Variants in SNRNP48 observed in about 807,000 individuals in gnomAD.
The protein encoded by SNRNP48 is U11/U12 small nuclear ribonucleoprotein 48 kDa protein.
Under a neutral mutation model 47.0 loss-of-function variants are expected in SNRNP48, and 43 were observed. The ratio of observed to expected loss-of-function variants is 0.92; its 90% confidence interval spans 0.72 to 1.18. The LOEUF (loss-of-function observed/expected upper bound fraction) is 1.18. Among genes scored for constraint, SNRNP48 ranks in the 50% most tolerant of loss-of-function variants. The pLI is 0.00. For synonymous variants in SNRNP48, 138 were observed against 144.0 expected (o/e 0.96, Z 0.30); for missense variants, 396 against 422.2 (o/e 0.94, Z 0.54).
chr6:7,593,452 A>G (rs1759852599), intron 1 of SNRNP48, among the ~76,000 whole-genome samples: 2 of 152,114 alleles, frequency 1.3e-5, no homozygotes, highest in Admixed American at 1.3e-4. Context: ...TGAGTGAGGA[A>G]TCGTTATAGG....
chr6:7,595,110 C>T lies in SNRNP48; in HGVS notation c.406+9C>T, dbSNP rs1481374945. 3.2e-6 allele frequency: 5 copies of T among 1,563,816 alleles called. No individual in the cohort carries two copies. The highest frequency in any genetic ancestry group is 3.5e-6 in the Non-Finnish European group (4 of 1,158,936). On this transcript the variant is annotated intron_variant, in intron 4 of 8. Coordinates refer to ENST00000342415, the MANE Select transcript of SNRNP48 (RefSeq NM_152551.4). ...TGATTGTTATAATCAAAGTAAGTGG[C>T]ATTACAGTTTAAGTGAATTAAAGAA...
intron 6 of SNRNP48, among the ~76,000 whole-genome samples, chr6:7,603,145 G>T (rs1404964815): frequency 6.6e-6 from 1 of 152,038 alleles, no homozygotes; most frequent in African/African-American, 2.4e-5. Flanking sequence ...TCTTTGCAGG[G>T]TTGTTATGAG....
In SNRNP48 at chr6:7,599,907, ATAATT is replaced by A. The variant is rs1561713322; in HGVS notation, c.407-1425_407-1421del. Reference sequence around the variant, plus strand: ...TGAATAAATTGAAGAAAAGGCTAAAATAATTTAAGAAGGAAATTATATTTCTTTGT... The same window carrying A: ...TGAATAAATTGAAGAAAAGGCTAAAATAAGAAGGAAATTATATTTCTTTGT... On this transcript the variant is annotated intron_variant, in intron 4 of 8. Transcript: ENST00000342415. 4 of 1,004,178 alleles carry A rather than the reference ATAATT, an allele frequency of 4.0e-6. No homozygotes were observed. The South Asian group carries it at 7.9e-5, about 20-fold the overall frequency. 62.2% of individuals were successfully genotyped at this position (1,004,178 alleles called of 1,614,324 possible).
Position 7,606,137 on chromosome 6 carries a change from A to G in SNRNP48, c.913A>G (p.Lys305Glu). ...HRRDRSRSPHKRKRNKDKDKN... is the reference protein window; with the variant it reads ...HRRDRSRSPHERKRNKDKDKN... ...AAGGGATAGGAGTAGAAGCCCACATAAAAGAAAAAGAAACAAAGATAAGGA... is the reference window on the plus strand; with the variant it reads ...AAGGGATAGGAGTAGAAGCCCACATGAAAGAAAAAGAAACAAAGATAAGGA... The change falls in exon 8 of 9, where the codon AAA becomes GAA. Residue 305 changes from lysine (K) to glutamate (E), a missense_variant. Coordinates refer to ENST00000342415, the MANE Select transcript of SNRNP48 (RefSeq NM_152551.4). 3 of 1,613,784 alleles carry G rather than the reference A, an allele frequency of 1.9e-6. No homozygotes were observed. Among genetic ancestry groups the G allele is most frequent in the East Asian group, 2.2e-5 (1 of 44,866 alleles).
At position 7,594,101 on chromosome 6, in the gene SNRNP48, T is replaced by G; in HGVS notation, c.273T>G (p.Asp91Glu). 7.0e-7 allele frequency: 1 copy of G among 1,437,842 alleles called. No individual in the cohort carries two copies. The highest frequency in any genetic ancestry group is 2.5e-5 in the East Asian group (1 of 40,564). The allele number at this position is 1,437,842 out of a possible 1,614,324, so 89.1% of individuals were successfully genotyped here. A position where few individuals can be genotyped will look rare whatever the true frequency, so the allele number is the denominator to read the frequency against. The change falls in exon 3 of 9, where the codon GAT (aspartate) becomes GAG (glutamate). Residue 91 changes from aspartate (D) to glutamate (E), a missense_variant and splice_region_variant. Asp to Glu is a conservative substitution (Grantham distance 45). Transcript: ENST00000342415. ...ACAGTAAGATTCTTTTTTTTCAGGATGAAATGTATAATCCTGAGTTTTTCT... is the reference window on the plus strand; with the variant it reads ...ACAGTAAGATTCTTTTTTTTCAGGAGGAAATGTATAATCCTGAGTTTTTCT... ...RKMGYTKEEE[D>E]EMYNPEFFYE...
At chr6:7,595,641 G>C (rs1759892059) in intron 4 of SNRNP48, among the ~76,000 whole-genome samples, 1 of 152,144 alleles carries the variant, frequency 6.6e-6, no homozygotes, top group Admixed American at 6.5e-5. Flanking sequence ...TTTTACTCTT[G>C]AGATTTCCTC....
At chr6:7,608,585 C>T (rs1049687077) in intron 8 of SNRNP48, among the ~76,000 whole-genome samples, 1 of 151,926 alleles carries the variant, frequency 6.6e-6, no homozygotes, top group Non-Finnish European at 1.5e-5. Flanking sequence ...AATAAAAAAA[C>T]TAAGAGACGA....
At chr6:7,608,696 C>A (rs1196993254) in intron 8 of SNRNP48, 129 bp from the exon 9 acceptor site, 5 of 393,738 alleles carry the variant, frequency 1.3e-5, no homozygotes, top group Admixed American at 4.8e-5. Context: ...CCAGAAAATT[C>A]TTTTCAAATA....
rs147784961 is a variant in SNRNP48, at chr6:7,590,269, G to A, written c.12G>A (p.Glu4=). 195 of 1,350,554 alleles carry A rather than the reference G, an allele frequency of 1.4e-4. No individual in the cohort carries two copies. The highest frequency in any genetic ancestry group is 1.8e-4 in the Non-Finnish European group (183 of 1,040,712). The allele number at this position is 1,350,554 out of a possible 1,614,324, so 83.7% of individuals were successfully genotyped here. ...GGTGGGCTGCAGCTATGGAGGGCGAGCCTCCACCTGTGGAGGAGCGGCGGC... is the reference window on the plus strand; with the variant it reads ...GGTGGGCTGCAGCTATGGAGGGCGAACCTCCACCTGTGGAGGAGCGGCGGC... MEG[E]PPPVEERRRL... The change falls in exon 1 of 9, where the codon GAG becomes GAA. Residue 4 remains glutamate (E), a synonymous_variant. Transcript: ENST00000342415.
chr6:7,609,317 G>A lies in SNRNP48; in HGVS notation c.*444G>A, dbSNP rs1286918842. On this transcript the variant is annotated 3_prime_UTR_variant, in exon 9 of 9. Transcript: ENST00000342415. ...TTTACCACTACACTGGTGAATTGTA[G>A]TAGGGAAAAACAATCTAAATATTGA... is the stretch of plus-strand genomic sequence containing the variant. 3 of 152,362 alleles carry A rather than the reference G, an allele frequency of 2.0e-5. No homozygotes were observed. The highest frequency in any genetic ancestry group is 6.5e-5 in the Admixed American group (1 of 15,274). The allele number at this position is 152,362 out of a possible 1,614,324, so 9.4% of individuals were successfully genotyped here. A position where few individuals can be genotyped will look rare whatever the true frequency, so the allele number is the denominator to read the frequency against.
intron 4 of SNRNP48, among the ~76,000 whole-genome samples, chr6:7,596,432 T>TC (rs546673969): frequency 9.2e-5 from 14 of 152,208 alleles, no homozygotes; most frequent in Non-Finnish European, 1.9e-4. Flanking sequence ...TACCTTTTTT[T>TC]CCTCATTCTT....
intron 6 of SNRNP48, 126 bp from the exon 7 acceptor site, chr6:7,605,272 T>A (rs9505238): frequency 0.23 from 161,427 of 700,086 alleles, 22,292 homozygotes; most frequent in East Asian, 0.47. Flanking sequence ...ACTGCACAAG[T>A]CCCACAGTCA....
At chr6:7,598,169 C>T (rs1053917441) in intron 4 of SNRNP48, among the ~76,000 whole-genome samples, 5 of 151,182 alleles carry the variant, frequency 3.3e-5, no homozygotes, top group African/African-American at 4.9e-5. Context: ...GCCTGGCCAA[C>T]GGTAACTTTA....
intron 8 of SNRNP48, 115 bp from the exon 9 acceptor site, chr6:7,608,710 T>C (rs1274266069): frequency 2.5e-6 from 1 of 401,230 alleles, no homozygotes; most frequent in Non-Finnish European, 4.5e-6. Context: ...TCAAATAGAA[T>C]GTTAAAGTAG....
intron 1 of SNRNP48, 149 bp from the exon 2 acceptor site, chr6:7,593,585 A>T: frequency 2.3e-6 from 1 of 433,122 alleles, no homozygotes; most frequent in Non-Finnish European, 4.0e-6. Context: ...ATTTTTCTTT[A>T]ATACACAACT....
intron 6 of SNRNP48, among the ~76,000 whole-genome samples, chr6:7,604,054 A>G (rs1025553204): frequency 4.7e-5 from 7 of 149,484 alleles, no homozygotes; most frequent in African/African-American, 1.7e-4. Flanking sequence ...CATTTGAGGG[A>G]AAGGGAGAAG....
At chr6:7,593,927 T>C in intron 2 of SNRNP48, 80 bp downstream of exon 2, 4 of 1,168,260 alleles carry the variant, frequency 3.4e-6, no homozygotes, top group Non-Finnish European at 4.8e-6. Flanking sequence ...GAAGTTACAA[T>C]GTGAGGTTCA....
chr6:7,593,842 G>A lies in SNRNP48; in HGVS notation c.265G>A (p.Glu89Lys), dbSNP rs766140630. 1.9e-6 allele frequency: 3 copies of A among 1,565,630 alleles called. No individual in the cohort carries two copies. Among genetic ancestry groups the A allele is most frequent in the South Asian group, 2.4e-5 (2 of 82,750 alleles). ...RLRKMGYTKEEEDEMYNPEFF... is the reference protein window; with the variant it reads ...RLRKMGYTKEKEDEMYNPEFF... ...GAGGAAAATGGGCTATACCAAAGAAGAAGAGGTACCATATATTTACTATAT... is the reference window on the plus strand; with the variant it reads ...GAGGAAAATGGGCTATACCAAAGAAAAAGAGGTACCATATATTTACTATAT... Residue 89 changes from glutamate to lysine, a missense_variant, in exon 2 of 9, where the codon GAA becomes AAA. By Grantham distance (56) the Glu-to-Lys change is moderately conservative. Transcript: ENST00000342415.
In SNRNP48 at chr6:7,609,142, ATATG is replaced by A. The variant is rs1760185914; in HGVS notation, c.*273_*276del. 4.5e-6 allele frequency: 1 copy of A among 219,896 alleles called. No individual in the cohort carries two copies. The highest frequency in any genetic ancestry group is 2.3e-5 in the African/African-American group (1 of 44,030). 13.6% of individuals were successfully genotyped at this position (219,896 alleles called of 1,614,324 possible). On this transcript the variant is annotated 3_prime_UTR_variant, in exon 9 of 9. Transcript: ENST00000342415. The stretch of plus-strand genomic sequence containing the variant: ...ATGTTGTTTTGTTCGTTTTGCTAAT[ATATG>A]TATCTCAAAATTCTTTAAGTCAATA...
Sources: gnomAD v4.1 joint callset for allele counts (sites outside exome capture counted in the v4.1 genomes callset) on GRCh38, gnomAD v4.1.1 for gene constraint, MANE v1.5 for transcripts, NCBI Gene and HGNC (gene_info 2026-07-23, HGNC 2026-07-21) for gene names.